DIXDC1: variants seen among roughly 807,000 people sequenced by gnomAD.
DIXDC1 encodes DIX domain containing 1.
DIXDC1 carries 64 observed loss-of-function variants against 103.1 expected under a neutral mutation model. The observed-to-expected ratio is 0.62, with a 90% CI of 0.51 to 0.76. The LOEUF (loss-of-function observed/expected upper bound fraction) is 0.76. Among genes scored for constraint, DIXDC1 ranks in the 30% least tolerant of loss-of-function variants. The pLI is 0.00. For synonymous variants in DIXDC1, 266 were observed against 298.5 expected (o/e 0.89, Z 1.12); for missense variants, 759 against 834.2 (o/e 0.91, Z 1.11).
At chr11:111,963,985 G>A (rs1859651236) in intron 1 of DIXDC1, among the ~76,000 whole-genome samples, 1 of 152,176 alleles carries the variant, frequency 6.6e-6, no homozygotes, top group African/African-American at 2.4e-5. Flanking sequence ...ATTGGCTCAG[G>A]AGAATAAATC....
chr11:112,017,150 C>G lies in DIXDC1; in HGVS notation c.1862+354C>G, dbSNP rs1861617408. ...TTGCAGCCTGGCACTCACTCCAGGACTATGACTAATTGATCTTTGTTACTA... is the reference window on the plus strand; with the variant it reads ...TTGCAGCCTGGCACTCACTCCAGGAGTATGACTAATTGATCTTTGTTACTA... On this transcript the variant is annotated intron_variant, in intron 18 of 19. Coordinates refer to ENST00000440460, the MANE Select transcript of DIXDC1 (RefSeq NM_001037954.4). This position sits in a 1 kb window ranked among gnomAD's most constrained non-coding sequence, Gnocchi z 4.0. Among the ~76,000 whole-genome samples, 2 of 151,752 alleles carry G rather than the reference C, an allele frequency of 1.3e-5. No homozygotes were observed. Among genetic ancestry groups the G allele is most frequent in the South Asian group, 4.2e-4 (2 of 4,816 alleles).
chr11:111,928,719 G>A (rs587663401), intron 1 of DIXDC1, among the ~76,000 whole-genome samples: 5 of 151,706 alleles, frequency 3.3e-5, no homozygotes, highest in African/African-American at 4.8e-5. Flanking sequence ...CTGAGATTGC[G>A]CCACTGCACT....
intron 2 of DIXDC1, among the ~76,000 whole-genome samples, chr11:111,967,055 T>G (rs1859762795): frequency 6.6e-6 from 1 of 152,224 alleles, no homozygotes; most frequent in Admixed American, 6.5e-5. Context: ...CTCAGGCTCC[T>G]TTCATTTTTT....
At position 112,017,792 on chromosome 11, in the gene DIXDC1, G is replaced by C; in HGVS notation, c.1878G>C (p.Thr626=). ...VNIPKRLEEV[T]LKDFKAAIDR... The stretch of plus-strand genomic sequence containing the variant: ...TGTGTTGCAGGTTGGAGGAGGTGAC[G>C]TTAAAGGATTTTAAAGCAGCTATTG... The change falls in exon 19 of 20, where the codon ACG becomes ACC. Residue 626 remains threonine, a synonymous_variant. Coordinates refer to ENST00000440460, the MANE Select transcript of DIXDC1 (RefSeq NM_001037954.4). The surrounding 1 kb of genome is among the most constrained non-coding windows in gnomAD (Gnocchi z 4.0). The C allele has an allele frequency of 6.2e-7, 1 of 1,610,014 alleles. No homozygotes were observed. Among genetic ancestry groups the C allele is most frequent in the Non-Finnish European group, 8.5e-7 (1 of 1,177,892 alleles).
rs1475280769 is a variant in DIXDC1, at chr11:112,021,237, G to A, written c.*2201G>A. On this transcript the variant is annotated 3_prime_UTR_variant, in exon 20 of 20. Coordinates refer to ENST00000440460, the MANE Select transcript of DIXDC1 (RefSeq NM_001037954.4). The stretch of plus-strand genomic sequence containing the variant: ...AGTGCCTCCATAAAAAGCTTAAGTT[G>A]AGTTCATGGGAGAACATTAAGATCG... 1 of 152,192 alleles carries A rather than the reference G, an allele frequency of 6.6e-6. No homozygotes were observed. Among genetic ancestry groups the A allele is most frequent in the Non-Finnish European group, 1.5e-5 (1 of 68,032 alleles). The allele number at this position is 152,192 out of a possible 1,614,324, so 9.4% of individuals were successfully genotyped here. A position where few individuals can be genotyped will look rare whatever the true frequency, so the allele number is the denominator to read the frequency against.
chr11:111,968,507 T>C lies in DIXDC1; in HGVS notation c.191-6T>C. 6.2e-7 allele frequency: 1 copy of C among 1,612,164 alleles called. No homozygotes were observed. Among genetic ancestry groups the C allele is most frequent in the Admixed American group, 1.7e-5 (1 of 59,716 alleles). On this transcript the variant is annotated splice_polypyrimidine_tract_variant and splice_region_variant and intron_variant, in intron 2 of 19. Coordinates refer to ENST00000440460, the MANE Select transcript of DIXDC1 (RefSeq NM_001037954.4). ...ATAACTTCCTATATTTTCTCTCTCC[T>C]AACAGCAGGAGAAAAGCTGAGTGGG...
upstream of DIXDC1, among the ~76,000 whole-genome samples, chr11:111,936,499 T>A (rs1966189826): frequency 6.6e-6 from 1 of 152,222 alleles, no homozygotes; most frequent in Non-Finnish European, 1.5e-5. Context: ...GGGTTGTATA[T>A]TTTAGCAGTT....
chr11:112,004,609 G>T (rs1343757230), intron 17 of DIXDC1, among the ~76,000 whole-genome samples: 1 of 152,170 alleles, frequency 6.6e-6, no homozygotes, highest in African/African-American at 2.4e-5. Context: ...ACCACCAGGG[G>T]AGCAAGCACT....
Position 111,977,682 on chromosome 11 carries a change from A to G in DIXDC1, c.656+2699A>G. 3 of 1,545,802 alleles carry G rather than the reference A, an allele frequency of 1.9e-6. No homozygotes were observed. The highest frequency in any genetic ancestry group is 2.6e-6 in the Non-Finnish European group (3 of 1,144,190). ...CGTTTTCCAGCCCCAGCGCGGGGAG[A>G]CATGCCTGAATTTGGGAGCGATGTG... On this transcript the variant is annotated intron_variant, in intron 5 of 19. Coordinates refer to ENST00000440460, the MANE Select transcript of DIXDC1 (RefSeq NM_001037954.4). This position sits in a 1 kb window ranked among gnomAD's most constrained non-coding sequence, Gnocchi z 6.1.
intron 17 of DIXDC1, among the ~76,000 whole-genome samples, chr11:112,001,219 C>T (rs78621820): frequency 0.011 from 1,738 of 152,192 alleles, 31 homozygotes; most frequent in African/African-American, 0.036. Context: ...TTGTGTAAGT[C>T]CATTTATATA....
intron 3 of DIXDC1, among the ~76,000 whole-genome samples, chr11:111,970,141 C>G (rs187464689): frequency 6.6e-6 from 1 of 152,134 alleles, no homozygotes; most frequent in Non-Finnish European, 1.5e-5. Flanking sequence ...CTGCAACGTC[C>G]GCCTCCTAGG....
At chr11:111,991,918 A>G (rs1555174570) in intron 10 of DIXDC1, among the ~76,000 whole-genome samples, 1 of 152,108 alleles carries the variant, frequency 6.6e-6, no homozygotes, top group African/African-American at 2.4e-5. Flanking sequence ...CCATCTCTCC[A>G]GGAAATGGGG....
chr11:111,983,851 G>A (rs1398168554), intron 7 of DIXDC1, among the ~76,000 whole-genome samples: 1 of 152,170 alleles, frequency 6.6e-6, no homozygotes, highest in Non-Finnish European at 1.5e-5. Context: ...ATACAAAAGG[G>A]CTCACAGCAT....
chr11:111,974,328 T>C, intron 4 of DIXDC1, 74 bp downstream of exon 4: 1 of 1,418,074 alleles, frequency 7.1e-7, no homozygotes, highest in Non-Finnish European at 9.6e-7. Flanking sequence ...TACAGTGCAG[T>C]AGATAGAAAC....
At chr11:112,004,681 G>A (rs776525811) in intron 17 of DIXDC1, among the ~76,000 whole-genome samples, 37 of 152,174 alleles carry the variant, frequency 2.4e-4, no homozygotes, top group Non-Finnish European at 4.7e-4. Flanking sequence ...ACTGACTGAG[G>A]CACAGGCATA....
In DIXDC1 at chr11:111,982,433, A is replaced by G. The variant is rs1373779927; in HGVS notation, c.864A>G (p.Gln288=). The change falls in exon 7 of 20, where the codon CAA becomes CAG. Residue 288 remains glutamine, a synonymous_variant. Coordinates refer to ENST00000440460, the MANE Select transcript of DIXDC1 (RefSeq NM_001037954.4). ...TSWEEQLLEQ[Q]EYLEKEMEEA... ...GGGAAGAACAGCTGTTGGAACAACA[A>G]GAATATTTAGAAAAAGAAATGGAGG... The G allele has an allele frequency of 6.2e-7, 1 of 1,613,774 alleles. No homozygotes were observed. The highest frequency in any genetic ancestry group is 2.2e-5 in the East Asian group (1 of 44,904).
chr11:111,985,545 T>C (rs1566531929), intron 8 of DIXDC1, among the ~76,000 whole-genome samples: 1 of 152,190 alleles, frequency 6.6e-6, no homozygotes, highest in Admixed American at 6.5e-5. Context: ...GCTGGAGATA[T>C]GGTAGTAACA....
intron 17 of DIXDC1, among the ~76,000 whole-genome samples, chr11:112,003,637 A>G (rs1861136398): frequency 6.6e-6 from 1 of 151,968 alleles, no homozygotes; most frequent in Admixed American, 6.6e-5. Flanking sequence ...TGTCTCTACT[A>G]AAAGTACAAA....
At chr11:111,938,042 A>G (rs1966280319) in intron 1 of DIXDC1, among the ~76,000 whole-genome samples, 1 of 152,108 alleles carries the variant, frequency 6.6e-6, no homozygotes, top group South Asian at 2.1e-4. Flanking sequence ...TCATGTCTGA[A>G]TCTCTTTCTG....
Sources: allele counts gnomAD v4.1 joint callset (sites outside exome capture counted in the v4.1 genomes callset), GRCh38; gene constraint gnomAD v4.1.1; non-coding constraint Gnocchi (gnomAD v3.1); transcripts MANE v1.5; gene names NCBI Gene and HGNC (gene_info 2026-07-23, HGNC 2026-07-21).